EML4: variants seen among roughly 807,000 people sequenced by gnomAD.
The protein encoded by EML4 is echinoderm microtubule-associated protein-like 4.
Under a neutral mutation model 129.0 loss-of-function variants are expected in EML4, and 72 were observed. The ratio of observed to expected loss-of-function variants is 0.56; its 90% CI spans 0.46 to 0.68. The LOEUF (loss-of-function observed/expected upper bound fraction) is 0.68. Among genes scored for constraint, EML4 ranks in the 30% least tolerant of loss-of-function variants. The pLI, the probability that EML4 is intolerant of heterozygous loss-of-function variation, is 0.00. For synonymous variants in EML4, 532 were observed against 405.0 expected, an observed-to-expected ratio of 1.31 and a Z score of -3.77; for missense variants, 1,363 against 1,190.6, an observed-to-expected ratio of 1.14 and a Z score of -2.13.
chr2:42,226,974 A>G (rs1674004659), intron 1 of EML4, among the ~76,000 whole-genome samples: 1 of 152,218 alleles, frequency 6.6e-6, no homozygotes, highest in Non-Finnish European at 1.5e-5. Flanking sequence ...GTATCCCACA[A>G]AATTTCCATG....
chr2:42,332,024 G>T lies in EML4; in HGVS notation c.*1817G>T, dbSNP rs940945226. The T allele has an allele frequency of 9.0e-6, 2 of 221,842 alleles. No homozygotes were observed. Among genetic ancestry groups the T allele is most frequent in the Non-Finnish European group, 1.8e-5 (2 of 110,758 alleles). 13.7% of individuals were successfully genotyped at this position (221,842 alleles called of 1,614,324 possible). ...TATGTATGTTCTGTACATACTTATC[G>T]GAGCGCGCCAGTAAGTATCAGGCAT... On this transcript the variant is annotated 3_prime_UTR_variant, in exon 23 of 23. Transcript: ENST00000318522.
At chr2:42,200,083 G>A (rs1672129173) in intron 1 of EML4, among the ~76,000 whole-genome samples, 1 of 150,510 alleles carries the variant, frequency 6.6e-6, no homozygotes, top group Non-Finnish European at 1.5e-5. Flanking sequence ...GCCAAGGCGG[G>A]CAGATCGCGA....
intron 1 of EML4, among the ~76,000 whole-genome samples, chr2:42,228,813 G>A (rs1394525827): frequency 3.9e-5 from 6 of 152,154 alleles, no homozygotes; most frequent in African/African-American, 1.4e-4. Flanking sequence ...GCTTGCTAGG[G>A]TTAGGAAACA....
chr2:42,284,644 CA>C lies in EML4; in HGVS notation c.953del (p.His318LeufsTer12). 1 of 1,611,950 alleles carries C rather than the reference CA, an allele frequency of 6.2e-7. No individual in the cohort carries two copies. Among genetic ancestry groups the C allele is most frequent in the African/African-American group, 1.3e-5 (1 of 74,932 alleles). Reference protein sequence around the residue: ...HTDCVKCLAIHPDKIRIATGQ... With the variant: ...HTDCVKCLAIXPDKIRIATGQ... ...AATACTGCTTTTTAGCCTTGCTATACATCCTGACAAAATTAGGATTGCAACT... is the reference window on the plus strand; with the variant it reads ...AATACTGCTTTTTAGCCTTGCTATACTCCTGACAAAATTAGGATTGCAACT... On this transcript the variant is annotated frameshift_variant, in exon 9 of 23. Coordinates refer to ENST00000318522, the MANE Select transcript of EML4 (RefSeq NM_019063.5). LOFTEE classifies it high-confidence loss of function.
intron 1 of EML4, among the ~76,000 whole-genome samples, chr2:42,180,454 G>A (rs947869924): frequency 1.3e-5 from 2 of 152,216 alleles, no homozygotes; most frequent in African/African-American, 4.8e-5. Flanking sequence ...TTCCATTCCA[G>A]ATGGTCTGTA....
intron 13 of EML4, among the ~76,000 whole-genome samples, chr2:42,300,662 A>T (rs1450672179): frequency 1.3e-5 from 2 of 152,218 alleles, no homozygotes; most frequent in African/African-American, 4.8e-5. Context: ...AAAGGGGAGT[A>T]ATCCTTGGCA....
At chr2:42,244,358 A>G (rs1558534526) in intron 1 of EML4, among the ~76,000 whole-genome samples, 1 of 152,030 alleles carries the variant, frequency 6.6e-6, no homozygotes, top group Non-Finnish European at 1.5e-5. Flanking sequence ...CAGCCTCCCA[A>G]AGTGCTGGGA....
At chr2:42,311,937 T>G (rs1668976229) in intron 17 of EML4, among the ~76,000 whole-genome samples, 1 of 152,190 alleles carries the variant, frequency 6.6e-6, no homozygotes, top group Non-Finnish European at 1.5e-5. Context: ...TTTGAATTCC[T>G]GTGTTCAAGC....
chr2:42,222,012 T>G (rs942125508), intron 1 of EML4, among the ~76,000 whole-genome samples: 3 of 152,008 alleles, frequency 2.0e-5, no homozygotes, highest in African/African-American at 7.2e-5. Flanking sequence ...GGATTACAGG[T>G]GTGAGCCTCT....
chr2:42,226,961 G>A (rs1265826754), intron 1 of EML4, among the ~76,000 whole-genome samples: 1 of 152,076 alleles, frequency 6.6e-6, no homozygotes, highest in Non-Finnish European at 1.5e-5. Flanking sequence ...GATTATAGTA[G>A]CAGTATCCCA....
At chr2:42,305,446 T>C (rs975909311) in intron 17 of EML4, among the ~76,000 whole-genome samples, 12 of 152,170 alleles carry the variant, frequency 7.9e-5, no homozygotes, top group African/African-American at 2.4e-4. Flanking sequence ...TCCTCATCTT[T>C]TATGCAGGGG....
At chr2:42,277,631 T>C (rs1359017725) in intron 6 of EML4, among the ~76,000 whole-genome samples, 1 of 150,474 alleles carries the variant, frequency 6.6e-6, no homozygotes, top group Non-Finnish European at 1.5e-5. Context: ...TGCAGTGGCG[T>C]GATCTCGGCT....
At chr2:42,261,015 C>G in intron 3 of EML4, 106 bp from the exon 4 acceptor site, 4 of 801,206 alleles carry the variant, frequency 5.0e-6, no homozygotes, top group South Asian at 3.9e-5. Context: ...ATTGTATTAG[C>G]TGTATGACTT....
chr2:42,174,501 G>C (rs754213266), intron 1 of EML4, among the ~76,000 whole-genome samples: 4 of 152,110 alleles, frequency 2.6e-5, no homozygotes, highest in Non-Finnish European at 5.9e-5. Flanking sequence ...ATGTTGGCCA[G>C]GCTGGTCTCA....
chr2:42,315,584 AT>A (rs1041420213), intron 17 of EML4, among the ~76,000 whole-genome samples: 26 of 152,312 alleles, frequency 1.7e-4, no homozygotes, highest in Non-Finnish European at 2.6e-4. Context: ...AAGTAAAAAA[AT>A]AGACCTGTCT....
At chr2:42,291,374 A>T (rs945017590) in intron 11 of EML4, among the ~76,000 whole-genome samples, 1 of 151,516 alleles carries the variant, frequency 6.6e-6, no homozygotes, top group African/African-American at 2.4e-5. Context: ...AAATCATGTT[A>T]AAAACTTCTC....
rs1314350146 is a variant in EML4, at chr2:42,282,929, A to G, written c.898A>G (p.Arg300Gly). The change falls in exon 8 of 23, where the codon AGA becomes GGA. Residue 300 changes from arginine to glycine, a missense_variant. Arg to Gly is a moderately radical substitution (Grantham distance 125, BLOSUM62 -2). Coordinates refer to ENST00000318522, the MANE Select transcript of EML4 (RefSeq NM_019063.5). ...AGTAGTACTATTTAATTATGAGGAG[A>G]GAACTCAGCGACACTACCTGGGCCA... is the stretch of plus-strand genomic sequence containing the variant. The part of the protein sequence containing the change: ...SVVVLFNYEE[R>G]TQRHYLGHTD... 6.2e-7 allele frequency: 1 copy of G among 1,613,730 alleles called. No individual in the cohort carries two copies. Among genetic ancestry groups the G allele is most frequent in the Non-Finnish European group, 8.5e-7 (1 of 1,179,656 alleles).
At chr2:42,261,844 G>A (rs1203518683) in intron 4 of EML4, among the ~76,000 whole-genome samples, 1 of 152,168 alleles carries the variant, frequency 6.6e-6, no homozygotes, top group Non-Finnish European at 1.5e-5. Context: ...AGGCTTGCTT[G>A]AGGGCTTCTG....
chr2:42,208,000 C>A (rs561510136), intron 1 of EML4: 1 of 152,322 alleles, frequency 6.6e-6, no homozygotes, highest in African/African-American at 2.4e-5. Context: ...TTGACACTTT[C>A]TGAAAGTCGG....
Sources: gnomAD v4.1 joint callset for allele counts (sites outside exome capture counted in the v4.1 genomes callset) on GRCh38, gnomAD v4.1.1 for gene constraint, MANE v1.5 for transcripts, NCBI Gene and HGNC (gene_info 2026-07-23, HGNC 2026-07-21) for gene names.